The following CACNA1C variants were observed in gnomAD, a reference collection of about 807,000 sequenced individuals.
The protein encoded by CACNA1C is voltage-dependent L-type calcium channel subunit alpha-1C.
CACNA1C carries 30 observed loss-of-function variants against 229.0 expected under a neutral mutation model. That is an observed-to-expected ratio of 0.13 (90% CI 0.10 to 0.18). The LOEUF (loss-of-function observed/expected upper bound fraction) is 0.18, where lower values mean the gene tolerates loss of function less well. CACNA1C is among the 10% of genes least tolerant of loss of function. The pLI, the probability that CACNA1C is intolerant of heterozygous loss-of-function variation, is 1.00. For missense variants in CACNA1C, 1,658 were observed against 2,845.0 expected (o/e 0.58, Z 9.49); for synonymous variants, 1,114 against 1,132.5 (o/e 0.98, Z 0.33).
At chr12:2,490,788 G>A (rs893918680) in intron 6 of CACNA1C, among the ~76,000 whole-genome samples, 3 of 152,316 alleles carry the variant, frequency 2.0e-5, no homozygotes, top group South Asian at 4.1e-4. Flanking sequence ...TTTCAGCTGC[G>A]TTAATGGAGC....
At chr12:2,207,291 T>A (rs567845919) in intron 3 of CACNA1C, among the ~76,000 whole-genome samples, 44 of 152,340 alleles carry the variant, frequency 2.9e-4, no homozygotes, top group African/African-American at 9.4e-4. Flanking sequence ...GTTTGGCCCC[T>A]CCATGGGGCT....
chr12:2,036,260 C>T (rs1314305873), intron 1 of CACNA1C, among the ~76,000 whole-genome samples: 2 of 152,128 alleles, frequency 1.3e-5, no homozygotes, highest in Non-Finnish European at 2.9e-5. Context: ...CTGAGTGGGC[C>T]GTGGGAAGGA....
At chr12:2,390,075 G>A (rs1352177685) in intron 3 of CACNA1C, among the ~76,000 whole-genome samples, 1 of 152,130 alleles carries the variant, frequency 6.6e-6, no homozygotes, top group Non-Finnish European at 1.5e-5. Flanking sequence ...GGGGTTATTT[G>A]ACCCATTCCC....
At chr12:2,274,230 C>T (rs764691838) in intron 3 of CACNA1C, among the ~76,000 whole-genome samples, 4 of 152,164 alleles carry the variant, frequency 2.6e-5, no homozygotes, top group Non-Finnish European at 4.4e-5. Flanking sequence ...GGGGCCCAGG[C>T]GTCCTCTCAG....
intron 29 of CACNA1C, chr12:2,612,401 C>G: frequency 5.7e-6 from 1 of 174,642 alleles, no homozygotes; most frequent in Admixed American, 5.8e-5. Context: ...CCCAGCCCCC[C>G]AGATCCACTC....
chr12:2,121,651 T>G (rs2086804191), intron 3 of CACNA1C, among the ~76,000 whole-genome samples: 1 of 152,148 alleles, frequency 6.6e-6, no homozygotes, highest in Non-Finnish European at 1.5e-5. Flanking sequence ...TCGGCCGCCG[T>G]CCGTGAGGCC....
At chr12:1,990,986 A>C (rs1220179664) in intron 1 of CACNA1C, 1 of 240,754 alleles carries the variant, frequency 4.2e-6, no homozygotes, top group Non-Finnish European at 8.3e-6. Flanking sequence ...AGAAAGGACA[A>C]AAAAAAAAAA....
intron 3 of CACNA1C, among the ~76,000 whole-genome samples, chr12:2,243,907 A>C (rs1381775549): frequency 6.6e-6 from 1 of 152,224 alleles, no homozygotes. Context: ...TAAGATAATA[A>C]AGACAACTGG....
chr12:2,670,971 A>C (rs16929878), intron 38 of CACNA1C, among the ~76,000 whole-genome samples: 4,977 of 151,448 alleles, frequency 0.033, 285 homozygotes, highest in African/African-American at 0.11. Flanking sequence ...CTCAATCTGA[A>C]ATGGGTGTAA....
intron 3 of CACNA1C, among the ~76,000 whole-genome samples, chr12:2,322,520 C>T (rs2096060246): frequency 6.6e-6 from 1 of 152,102 alleles, no homozygotes; most frequent in African/African-American, 2.4e-5. Flanking sequence ...TCAGAACAGC[C>T]CTATGAGAAG....
chr12:2,660,520 AAC>A (rs1482195430), intron 34 of CACNA1C: 6 of 152,156 alleles, frequency 3.9e-5, no homozygotes, highest in Non-Finnish European at 8.8e-5. Context: ...GAAGAAACAG[AAC>A]ACTAAAAAAA....
At chr12:2,232,230 T>TG (rs201760822) in intron 3 of CACNA1C, among the ~76,000 whole-genome samples, 27 of 118,190 alleles carry the variant, frequency 2.3e-4, no homozygotes, top group Non-Finnish European at 3.1e-4. Context: ...TTTCCTTGTT[T>TG]TTTTTTTTTT....
intron 1 of CACNA1C, among the ~76,000 whole-genome samples, chr12:2,008,372 A>G (rs1056677307): frequency 9.9e-5 from 15 of 151,852 alleles, no homozygotes; most frequent in Non-Finnish European, 4.4e-5. Flanking sequence ...ATGGGGTCTC[A>G]CTATGTTGCT....
intron 34 of CACNA1C, 121 bp from the exon 35 acceptor site, chr12:2,664,704 A>C: frequency 1.4e-6 from 1 of 691,208 alleles, no homozygotes; most frequent in Non-Finnish European, 2.3e-6. Flanking sequence ...GATGAACATC[A>C]AGTTCATTTT....
chr12:2,692,473 CCTTT>C lies in CACNA1C; in HGVS notation c.*1277_*1280del. ...GCACACCAGTGACTACGCAGTCCCC[CCTTT>C]CTGGTTTAGCTGTGGGAAGATCTGA... On this transcript the variant is annotated 3_prime_UTR_variant, in exon 47 of 47. Transcript: ENST00000399655. 6.5e-6 allele frequency: 1 copy of C among 152,770 alleles called. No homozygotes were observed. The highest frequency in any genetic ancestry group is 2.1e-4 in the South Asian group (1 of 4,828). The allele number at this position is 152,770 out of a possible 1,614,324, so 9.5% of individuals were successfully genotyped here.
At chr12:2,059,446 A>C (rs1007897069) in intron 1 of CACNA1C, among the ~76,000 whole-genome samples, 2 of 152,074 alleles carry the variant, frequency 1.3e-5, no homozygotes, top group Non-Finnish European at 2.9e-5. Flanking sequence ...AGGGAACTAG[A>C]GGAAGGGTTC....
intron 1 of CACNA1C, among the ~76,000 whole-genome samples, chr12:1,979,167 C>T (rs986872757): frequency 1.3e-5 from 2 of 152,164 alleles, no homozygotes; most frequent in Non-Finnish European, 1.5e-5. Flanking sequence ...TGCCCGCCAT[C>T]GAGCCTGGCT....
chr12:2,088,806 C>A (rs909561855), intron 1 of CACNA1C, among the ~76,000 whole-genome samples: 1 of 151,972 alleles, frequency 6.6e-6, no homozygotes, highest in Non-Finnish European at 1.5e-5. Flanking sequence ...CATCAACACA[C>A]GGGGAAAGCA....
chr12:2,501,209 CAA>C (rs59324696), intron 7 of CACNA1C, among the ~76,000 whole-genome samples: 4,975 of 30,602 alleles, frequency 0.16, 69 homozygotes, highest in Non-Finnish European at 0.2. Flanking sequence ...GACTCCACCT[CAA>C]AAAAAAAAAA....
Sources: allele counts gnomAD v4.1 joint callset (sites outside exome capture counted in the v4.1 genomes callset), GRCh38; gene constraint gnomAD v4.1.1; transcripts MANE v1.5; gene names NCBI Gene and HGNC (gene_info 2026-07-23, HGNC 2026-07-21).